Variants in TBC1D9B observed in about 807,000 individuals in gnomAD.
TBC1D9B encodes the protein TBC1 domain family, member 9B (with GRAM domain).
A neutral mutation model predicts 121.1 loss-of-function variants in TBC1D9B; 87 were observed. The ratio of observed to expected loss-of-function variants is 0.72; its 90% CI spans 0.60 to 0.86. The LOEUF (loss-of-function observed/expected upper bound fraction) is 0.86, where lower values mean the gene tolerates loss of function less well. Among genes scored for constraint, TBC1D9B ranks in the 40% least tolerant of loss-of-function variants. TBC1D9B has a pLI of 0.00. For synonymous variants in TBC1D9B, 668 were observed against 670.1 expected (o/e 1.00, Z 0.05); for missense variants, 1,540 against 1,628.6 (o/e 0.95, Z 0.94).
intron 17 of TBC1D9B, 197 bp from the exon 18 acceptor site, chr5:179,868,046 T>C (rs1329265847): frequency 5.3e-6 from 1 of 188,084 alleles, no homozygotes; most frequent in Non-Finnish European, 1.1e-5. Flanking sequence ...TTTCCTCAGC[T>C]TTTTTTTTTT....
Position 179,875,215 on chromosome 5 carries a change from G to C in TBC1D9B, c.1901-28C>G, listed in dbSNP as rs1049056067. ...GCGGGCAGGATGAGCGAGGCTGATG[G>C]TGAGCCCACCCTGTGGCCTGGGTGG... On this transcript the variant is annotated intron_variant, in intron 11 of 20. Transcript: ENST00000355235. This position sits in a 1 kb window ranked among gnomAD's most constrained non-coding sequence, Gnocchi z 4.5. 6.2e-7 allele frequency: 1 copy of C among 1,605,536 alleles called. No individual in the cohort carries two copies. Among genetic ancestry groups the C allele is most frequent in the Admixed American group, 1.7e-5 (1 of 59,852 alleles).
chr5:179,869,953 C>A (rs768594493), intron 16 of TBC1D9B, 119 bp from the exon 17 acceptor site: 2 of 1,057,462 alleles, frequency 1.9e-6, no homozygotes, highest in Non-Finnish European at 2.7e-6. Context: ...GGAGAGGTCA[C>A]AGGGTGAGTC....
intron 17 of TBC1D9B, 200 bp from the exon 18 acceptor site, chr5:179,868,049 T>C: frequency 2.3e-6 from 1 of 438,154 alleles, no homozygotes; most frequent in Non-Finnish European, 4.0e-6. Context: ...CCTCAGCTTT[T>C]TTTTTTTTAA....
chr5:179,870,254 C>T lies in TBC1D9B; in HGVS notation c.2725+1G>A. The T allele has an allele frequency of 1.2e-6, 2 of 1,613,852 alleles. No individual in the cohort carries two copies. Among genetic ancestry groups the T allele is most frequent in the Non-Finnish European group, 8.5e-7 (1 of 1,179,998 alleles). On this transcript the variant is annotated splice_donor_variant, in intron 16 of 20. Coordinates refer to ENST00000355235, the MANE Select transcript of TBC1D9B (RefSeq NM_015043.4). LOFTEE classifies it high-confidence loss of function. ...CCCTGGTAGGCCCTGCAGGCACTCA[C>T]TCATCCCTGTCACGAACTCCTTGAA...
rs772419777 is a variant in TBC1D9B at position 179,865,344 on chromosome 5, G to C, written c.2931C>G (p.Ser977Arg). The change falls in exon 20 of 21, where the codon AGC (serine) becomes AGG (arginine). Residue 977 changes from serine (S) to arginine (R), a missense_variant. Coordinates refer to ENST00000355235, the MANE Select transcript of TBC1D9B (RefSeq NM_015043.4). This position sits in a 1 kb window ranked among gnomAD's most constrained non-coding sequence, Gnocchi z 5.1. ...SEERGEEKGT[S>R]SPDYRHYLRM... The stretch of plus-strand genomic sequence containing the variant: ...GAAGGTAGTGCCGATAGTCCGGAGA[G>C]CTGGTCCCCTTCTCCTCTGCAGGTT... 2.5e-6 allele frequency: 4 copies of C among 1,613,934 alleles called. No homozygotes were observed. In the African/African-American group the frequency reaches 5.3e-5, roughly 22 times the overall value.
chr5:179,880,158 C>T (rs934333866), intron 7 of TBC1D9B: 5 of 267,246 alleles, frequency 1.9e-5, no homozygotes, highest in African/African-American at 4.5e-5. Context: ...CCCATGCTTC[C>T]TGGGCTGCAC....
Position 179,878,451 on chromosome 5 carries a change from C to A in TBC1D9B, c.1640G>T (p.Ser547Ile). ...ELVEKSTGKY[S>I]LATEEIERDL... ...TCGCTCGATCTCCTCTGTGGCCAGG[C>A]TGTACTTCCCGGTGGACTTCTCCAC... Residue 547 changes from serine (S) to isoleucine (I), a missense_variant, in exon 10 of 21, where the codon AGC (serine) becomes ATC (isoleucine). Physicochemically the swap from Ser to Ile is moderately radical, Grantham distance 142. Coordinates refer to ENST00000355235, the MANE Select transcript of TBC1D9B (RefSeq NM_015043.4). 6.2e-7 allele frequency: 1 copy of A among 1,612,792 alleles called. No homozygotes were observed. The highest frequency in any genetic ancestry group is 1.1e-5 in the South Asian group (1 of 90,652).
At chr5:179,869,930 C>T in intron 16 of TBC1D9B, 96 bp from the exon 17 acceptor site, 1 of 1,215,672 alleles carries the variant, frequency 8.2e-7, no homozygotes, top group East Asian at 2.5e-5. Flanking sequence ...CCTGTGCTGC[C>T]CAACTCCCTC....
chr5:179,877,722 A>C (rs1054300508), intron 10 of TBC1D9B, among the ~76,000 whole-genome samples: 1 of 151,936 alleles, frequency 6.6e-6, no homozygotes, highest in Non-Finnish European at 1.5e-5. Flanking sequence ...ATGTAATATG[A>C]TGGAGCCTGA....
chr5:179,905,050 A>T (rs1561651942), intron 1 of TBC1D9B, among the ~76,000 whole-genome samples: 1 of 152,256 alleles, frequency 6.6e-6, no homozygotes, highest in African/African-American at 2.4e-5. Flanking sequence ...TGGCTCAGAA[A>T]CACTTGCAGG....
chr5:179,862,766 G>T lies in TBC1D9B; in HGVS notation c.*682C>A. ...TTATTTCTTTCAGGGATTTATTAAG[G>T]CATTGAGCACAGTGTAATTTCTAGC... On this transcript the variant is annotated 3_prime_UTR_variant, in exon 21 of 21. Transcript: ENST00000355235. 1 of 368,960 alleles carries T rather than the reference G, an allele frequency of 2.7e-6. No homozygotes were observed. The highest frequency in any genetic ancestry group is 5.6e-6 in the Non-Finnish European group (1 of 177,214). The allele number at this position is 368,960 out of a possible 1,614,324, so 22.9% of individuals were successfully genotyped here.
chr5:179,867,240 G>A (rs1760039848), intron 18 of TBC1D9B: 1 of 563,550 alleles, frequency 1.8e-6, no homozygotes, highest in African/African-American at 1.9e-5. Flanking sequence ...TTGGCGCCTA[G>A]TGTGGGGGCC....
At chr5:179,887,205 CGCTGGCCACTGGCCGCTGG>C (rs968238718) in intron 7 of TBC1D9B, among the ~76,000 whole-genome samples, 3 of 152,242 alleles carry the variant, frequency 2.0e-5, no homozygotes, top group Non-Finnish European at 2.9e-5. Flanking sequence ...ATGAGCATGC[CGCTGGCCACTGGCCGCTGG>C]ATCCAGGCAT....
At position 179,888,237 on chromosome 5, in the gene TBC1D9B, T is replaced by A; in HGVS notation, c.1120A>T (p.Thr374Ser). 3 of 1,611,660 alleles carry A rather than the reference T, an allele frequency of 1.9e-6. No individual in the cohort carries two copies. Among genetic ancestry groups the A allele is most frequent in the Non-Finnish European group, 2.5e-6 (3 of 1,179,240 alleles). ...TCTTTCAGGTTGGCAAACAGGAATG[T>A]CATTTTGCTTTTGGTGCTGATGGAC... is the stretch of plus-strand genomic sequence containing the variant. Reference protein sequence around the residue: ...PLSISTKSKMTFLFANLKDRD... With the variant: ...PLSISTKSKMSFLFANLKDRD... The change falls in exon 7 of 21, where the codon ACA (threonine) becomes TCA (serine). Residue 374 changes from threonine (T) to serine (S), a missense_variant. Thr to Ser is a moderately conservative substitution (Grantham distance 58). Coordinates refer to ENST00000355235, the MANE Select transcript of TBC1D9B (RefSeq NM_015043.4).
chr5:179,863,138 G>A lies in TBC1D9B; in HGVS notation c.*310C>T. Reference sequence around the variant, plus strand: ...GCACAGAGGTATGAGGCAAGCAAGGGCAGATCTGAGAGCCTGTAATGCTAG... The same window carrying A: ...GCACAGAGGTATGAGGCAAGCAAGGACAGATCTGAGAGCCTGTAATGCTAG... On this transcript the variant is annotated 3_prime_UTR_variant, in exon 21 of 21. Coordinates refer to ENST00000355235, the MANE Select transcript of TBC1D9B (RefSeq NM_015043.4). This position sits in a 1 kb window ranked among gnomAD's most constrained non-coding sequence, Gnocchi z 4.5. 2.5e-6 allele frequency: 1 copy of A among 392,778 alleles called. No homozygotes were observed. The highest frequency in any genetic ancestry group is 3.3e-5 in the South Asian group (1 of 30,408). The allele number at this position is 392,778 out of a possible 1,614,324, so 24.3% of individuals were successfully genotyped here.
rs1760236750 is a variant in TBC1D9B, at chr5:179,872,631, C to T, written c.2415+261G>A. ...GGCTGGGCGGGCTCGGCCCAGAGGG[C>T]TGGGCATGTGGCTTTCAGGGTGGGA... On this transcript the variant is annotated intron_variant, in intron 14 of 20. Transcript: ENST00000355235. The T allele has an allele frequency of 1.9e-5, 10 of 513,768 alleles. No individual in the cohort carries two copies. The South Asian group carries it at 2.4e-4, about 12-fold the overall frequency. 31.8% of individuals were successfully genotyped at this position (513,768 alleles called of 1,614,324 possible).
In TBC1D9B at chr5:179,875,053, T is replaced by C. The variant is rs1284559760; in HGVS notation, c.2035A>G (p.Met679Val). The change falls in exon 12 of 21, where the codon ATG becomes GTG. Residue 679 changes from methionine (M) to valine (V), a missense_variant. Coordinates refer to ENST00000355235, the MANE Select transcript of TBC1D9B (RefSeq NM_015043.4). This position sits in a 1 kb window ranked among gnomAD's most constrained non-coding sequence, Gnocchi z 4.5. ...ATGACCACGGCGCTCTCGAAGGGCA[T>C]GACGCTGAGGAAGAGGGTCAGGAAC... Reference protein sequence around the residue: ...SWFLTLFLSVMPFESAVVIVD... With the variant: ...SWFLTLFLSVVPFESAVVIVD... 6.2e-7 allele frequency: 1 copy of C among 1,614,092 alleles called. No homozygotes were observed. The highest frequency in any genetic ancestry group is 8.5e-7 in the Non-Finnish European group (1 of 1,180,030).
chr5:179,872,803 C>T (rs574907940), intron 14 of TBC1D9B, 89 bp downstream of exon 14: 35 of 1,263,240 alleles, frequency 2.8e-5, no homozygotes, highest in Admixed American at 1.2e-4. Flanking sequence ...AGACTGGGTG[C>T]GGTGGAGCCC....
chr5:179,877,235 G>A (rs1002317664), intron 10 of TBC1D9B, among the ~76,000 whole-genome samples: 2 of 151,730 alleles, frequency 1.3e-5, no homozygotes, highest in African/African-American at 4.8e-5. Flanking sequence ...AAAAATATTA[G>A]CTGGGTGTGG....
Sources: allele counts gnomAD v4.1 joint callset (sites outside exome capture counted in the v4.1 genomes callset), GRCh38; gene constraint gnomAD v4.1.1; non-coding constraint Gnocchi (gnomAD v3.1); transcripts MANE v1.5; gene names NCBI Gene and HGNC (gene_info 2026-07-23, HGNC 2026-07-21).